Variants in SNX14 observed in about 807,000 individuals in gnomAD.
SNX14 encodes the protein sorting nexin-14.
In SNX14, 93 loss-of-function variants were observed where a neutral mutation model predicts 133.8. The ratio of observed to expected loss-of-function variants is 0.70; its 90% CI spans 0.59 to 0.83. SNX14 has a LOEUF of 0.83. SNX14 is among the 40% of genes least tolerant of loss of function. The pLI, the probability that SNX14 is intolerant of heterozygous loss-of-function variation, is 0.00. For missense variants in SNX14, 945 were observed against 1,094.9 expected (o/e 0.86, Z 1.93); for synonymous variants, 368 against 365.6 (o/e 1.01, Z -0.07).
Position 85,513,814 on chromosome 6 carries a change from A to G in SNX14, c.2639T>C (p.Met880Thr). 1 of 1,610,900 alleles carries G rather than the reference A, an allele frequency of 6.2e-7. No homozygotes were observed. The highest frequency in any genetic ancestry group is 1.1e-5 in the South Asian group (1 of 90,752). ...AAATATTACACCTGGAATGTAATTC[A>G]TCATTTCTTCAAAAGTCTGTTTTGC... ...KGAKQTFEEM[M>T]NYIPDLLVKC... is the part of the protein sequence containing the mutation. The change falls in exon 26 of 29, where the codon ATG (methionine) becomes ACG (threonine). Residue 880 changes from methionine (M) to threonine (T), a missense_variant. This residue lies in a region of SNX14 where 412 missense variants were observed against 516.6 expected (regional missense o/e 0.80). Coordinates refer to ENST00000314673, the MANE Select transcript of SNX14 (RefSeq NM_153816.6).
At chr6:85,524,135 TGG>T (rs1191872989) in intron 21 of SNX14, among the ~76,000 whole-genome samples, 1 of 151,282 alleles carries the variant, frequency 6.6e-6, no homozygotes, top group Non-Finnish European at 1.5e-5. Flanking sequence ...TGAGCCAAGA[TGG>T]CACCACTGCA....
intron 1 of SNX14, among the ~76,000 whole-genome samples, chr6:85,583,304 C>T (rs1799624117): frequency 6.6e-6 from 1 of 152,166 alleles, no homozygotes; most frequent in Admixed American, 6.5e-5. Flanking sequence ...CATTATCATA[C>T]TGAATGGGCA....
chr6:85,547,357 A>C lies in SNX14; in HGVS notation c.953T>G (p.Phe318Cys). Residue 318 changes from phenylalanine to cysteine, a missense_variant, in exon 11 of 29, where the codon TTC (phenylalanine) becomes TGC (cysteine). Transcript: ENST00000314673. ...TCTAGGTTCTGCAAATTTCTGCAAG[A>C]ATGGAACCAAAGGAGAAGCCGGTTC... is the stretch of plus-strand genomic sequence containing the variant. ...ATEPASPLVP[F>C]LQKFAEPRNK... is the part of the protein sequence containing the mutation. The C allele has an allele frequency of 6.2e-7, 1 of 1,613,870 alleles. No individual in the cohort carries two copies. The highest frequency in any genetic ancestry group is 8.5e-7 in the Non-Finnish European group (1 of 1,179,974).
chr6:85,507,062 T>C, intron 28 of SNX14, 171 bp downstream of exon 28: 1 of 604,902 alleles, frequency 1.7e-6, no homozygotes, highest in Non-Finnish European at 3.0e-6. Flanking sequence ...CCCCCAGAAT[T>C]GTTTGGGCAT....
At chr6:85,551,967 A>G (rs1436513952) in intron 7 of SNX14, among the ~76,000 whole-genome samples, 1 of 151,992 alleles carries the variant, frequency 6.6e-6, no homozygotes, top group Non-Finnish European at 1.5e-5. Flanking sequence ...TGGAAAGGCA[A>G]GTGATGCTTT....
intron 26 of SNX14, chr6:85,508,492 A>T: frequency 1.8e-6 from 1 of 569,462 alleles, no homozygotes; most frequent in Non-Finnish European, 2.2e-6. Context: ...GGATAAGCCG[A>T]CTTCTACCCA....
In SNX14 at chr6:85,532,261, C is replaced by T. The variant is rs556637795; in HGVS notation, c.1810+1338G>A. 3.2e-4 allele frequency among the ~76,000 whole-genome samples: 49 copies of T among 152,194 alleles called. No homozygotes were observed. The Middle Eastern group carries it at 0.01, about 32-fold the overall frequency. ...TATTATTGACAATGGTTTAGCTGTC[C>T]ACCTGTCAGAATGCTGAAAGAACAG... On this transcript the variant is annotated intron_variant, in intron 18 of 28. Transcript: ENST00000314673.
intron 6 of SNX14, among the ~76,000 whole-genome samples, chr6:85,563,992 A>G (rs574873398): frequency 7.2e-5 from 11 of 152,140 alleles, no homozygotes; most frequent in African/African-American, 2.4e-4. Context: ...TCATTCTTCA[A>G]TTCCCACCTA....
intron 12 of SNX14, among the ~76,000 whole-genome samples, chr6:85,546,152 A>T (rs1226579439): frequency 2.0e-5 from 3 of 152,226 alleles, no homozygotes; most frequent in African/African-American, 4.8e-5. Flanking sequence ...TTGCTTTGGC[A>T]GGAGTAGGGG....
At chr6:85,507,815 T>C (rs565452472) in intron 27 of SNX14, among the ~76,000 whole-genome samples, 153 bp downstream of exon 27, 36 of 152,248 alleles carry the variant, frequency 2.4e-4, no homozygotes, top group African/African-American at 8.4e-4. Flanking sequence ...AAAGAGTAAC[T>C]CAAATAAAAC....
At chr6:85,512,423 A>C (rs1341427770) in intron 26 of SNX14, among the ~76,000 whole-genome samples, 1 of 152,066 alleles carries the variant, frequency 6.6e-6, no homozygotes, top group Non-Finnish European at 1.5e-5. Context: ...GGAGTTCGAG[A>C]CCAGCCTGAC....
chr6:85,532,902 T>C (rs1265784201), intron 18 of SNX14, among the ~76,000 whole-genome samples: 1 of 152,188 alleles, frequency 6.6e-6, no homozygotes, highest in Non-Finnish European at 1.5e-5. Context: ...TCTTTTTTTT[T>C]TGGAGACAGG....
chr6:85,509,993 C>T lies in SNX14; in HGVS notation c.2654-1934G>A, dbSNP rs192110570. 1.1e-3 allele frequency among the ~76,000 whole-genome samples: 169 copies of T among 152,288 alleles called. 1 individual carries two copies. Among genetic ancestry groups the T allele is most frequent in the African/African-American group, 3.9e-3 (164 of 41,570 alleles). On this transcript the variant is annotated intron_variant, in intron 26 of 28. Transcript: ENST00000314673. ...TGTGACAGCTCATTCCTTTATAGCA[C>T]TGAATAATATCCCATTGTCTAGAAG... is the stretch of plus-strand genomic sequence containing the variant.
In SNX14 at chr6:85,531,711, T is replaced by C. The variant is rs112288152; in HGVS notation, c.1811-1436A>G. ...TTGACAGTAGAAGTCTGCAGCACTGTTGACAAAAATTATCTTTAAAATACA... is the reference window on the plus strand; with the variant it reads ...TTGACAGTAGAAGTCTGCAGCACTGCTGACAAAAATTATCTTTAAAATACA... On this transcript the variant is annotated intron_variant, in intron 18 of 28. Transcript: ENST00000314673. Among the ~76,000 whole-genome samples, 473 of 152,300 alleles carry C rather than the reference T, an allele frequency of 3.1e-3. 4 individuals are homozygous for C. The highest frequency in any genetic ancestry group is 0.014 in the South Asian group (66 of 4,826).
intron 1 of SNX14, chr6:85,588,967 G>A (rs1014148112): frequency 2.2e-6 from 1 of 452,712 alleles, no homozygotes; most frequent in Non-Finnish European, 4.4e-6. Flanking sequence ...AATTGCAGGG[G>A]TGAAAGAGGT....
Position 85,513,865 on chromosome 6 carries a change from C to A in SNX14, c.2588G>T (p.Arg863Leu). Residue 863 changes from arginine to leucine, a missense_variant, in exon 26 of 29, where the codon CGC becomes CTC. Physicochemically the swap from Arg to Leu is moderately radical, Grantham distance 102 (BLOSUM62 -2). Transcript: ENST00000314673. ...DAIFCENTEP[R>L]SLQDKQKGAK... ...TCCTTTTTGCTTATCTTGGAGAGAGCGAGGTTCAGTGTTTTCACAGAATAT... is the reference window on the plus strand; with the variant it reads ...TCCTTTTTGCTTATCTTGGAGAGAGAGAGGTTCAGTGTTTTCACAGAATAT... 6.2e-7 allele frequency: 1 copy of A among 1,612,366 alleles called. No individual in the cohort carries two copies.
In SNX14 at chr6:85,528,376, A is replaced by G; in HGVS notation, c.1895-14T>C. 6.3e-7 allele frequency: 1 copy of G among 1,583,252 alleles called. No individual in the cohort carries two copies. The highest frequency in any genetic ancestry group is 8.6e-7 in the Non-Finnish European group (1 of 1,157,892). On this transcript the variant is annotated splice_polypyrimidine_tract_variant and intron_variant, in intron 19 of 28. Coordinates refer to ENST00000314673, the MANE Select transcript of SNX14 (RefSeq NM_153816.6). Reference sequence around the variant, plus strand: ...CAGGAAATGCACCTGAAATTAGTATATATTATAGTTATTACTGTGTTCTGC... The same window carrying G: ...CAGGAAATGCACCTGAAATTAGTATGTATTATAGTTATTACTGTGTTCTGC...
intron 26 of SNX14, among the ~76,000 whole-genome samples, chr6:85,512,918 G>T (rs754520822): frequency 2.0e-5 from 3 of 152,048 alleles, no homozygotes; most frequent in Non-Finnish European, 4.4e-5. Context: ...TACTAGGATG[G>T]AGTGATGATG....
intron 1 of SNX14, among the ~76,000 whole-genome samples, chr6:85,576,099 C>T (rs1797243165): frequency 6.6e-6 from 1 of 151,996 alleles, no homozygotes; most frequent in South Asian, 2.1e-4. Flanking sequence ...TTTTAAAACT[C>T]AATCGTAATT....
Sources: allele counts gnomAD v4.1 joint callset (sites outside exome capture counted in the v4.1 genomes callset), GRCh38; gene constraint gnomAD v4.1.1; regional missense constraint gnomAD v4.1.1; transcripts MANE v1.5; gene names NCBI Gene and HGNC (gene_info 2026-07-23, HGNC 2026-07-21).